Variants in CACNA1A observed in about 807,000 individuals in gnomAD.
CACNA1A encodes the protein calcium voltage-gated channel subunit alpha1 A.
In CACNA1A, 57 loss-of-function variants were observed where a neutral mutation model predicts 262.4. The observed-to-expected ratio is 0.22, with a 90% CI of 0.18 to 0.27. CACNA1A has a LOEUF of 0.27. Ranked by LOEUF, CACNA1A falls within the 10% of genes least tolerant of loss-of-function variation. The pLI, the probability that CACNA1A is intolerant of heterozygous loss-of-function variation, is 1.00. For missense variants in CACNA1A, 2,526 were observed against 3,562.8 expected (o/e 0.71, Z 7.41); for synonymous variants, 1,431 against 1,419.3 (o/e 1.01, Z -0.18).
chr19:13,285,122 C>T lies in CACNA1A; in HGVS notation c.3638G>A (p.Gly1213Asp), dbSNP rs540667475. 17 of 1,613,926 alleles carry T rather than the reference C, an allele frequency of 1.1e-5. No individual in the cohort carries two copies. Among genetic ancestry groups the T allele is most frequent in the African/African-American group, 4.0e-5 (3 of 75,024 alleles). The change falls in exon 21 of 47, where the codon GGC (glycine) becomes GAC (aspartate). Residue 1213 changes from glycine to aspartate, a missense_variant. Transcript: ENST00000360228. ...EEEEDDRGED[G>D]PKPMPPYSSM... ...GCTATAGGGAGGCATTGGCTTAGGG[C>T]CGTCTTCCCCACGGTCGTCTTCCTC...
intron 3 of CACNA1A, among the ~76,000 whole-genome samples, chr19:13,402,869 CACACAT>C (rs1414868280): frequency 2.4e-4 from 18 of 75,664 alleles, no homozygotes; most frequent in African/African-American, 4.5e-4. Context: ...CACACACACA[CACACAT>C]ATATATATAT....
In CACNA1A at chr19:13,345,366, C is replaced by T. The variant is rs188999696; in HGVS notation, c.979-9457G>A. 3.6e-3 allele frequency among the ~76,000 whole-genome samples: 550 copies of T among 152,202 alleles called. 2 individuals are homozygous for T. The highest frequency in any genetic ancestry group is 0.013 in the African/African-American group (529 of 41,518). On this transcript the variant is annotated intron_variant, in intron 6 of 46. Coordinates refer to ENST00000360228, the MANE Select transcript of CACNA1A (RefSeq NM_001127222.2). ...CAACTGATTTTTTCCCACTTCACCCCTTCTCCGTACTTGCATAGTATTTTA... is the reference window on the plus strand; with the variant it reads ...CAACTGATTTTTTCCCACTTCACCCTTTCTCCGTACTTGCATAGTATTTTA...
At chr19:13,211,875 G>A in intron 43 of CACNA1A, 4 of 523,002 alleles carry the variant, frequency 7.6e-6, no homozygotes, top group Non-Finnish European at 1.4e-5. Context: ...CTCTGCCCCA[G>A]GGGGAGCACT....
intron 6 of CACNA1A, among the ~76,000 whole-genome samples, chr19:13,354,915 C>A (rs543644867): frequency 1.3e-5 from 2 of 149,174 alleles, no homozygotes; most frequent in Admixed American, 6.7e-5. Context: ...CATTCTGTCA[C>A]CCAGGCTGGA....
At chr19:13,323,653 T>C (rs2058300273) in intron 10 of CACNA1A, among the ~76,000 whole-genome samples, 1 of 152,236 alleles carries the variant, frequency 6.6e-6, no homozygotes, top group Admixed American at 6.5e-5. Context: ...GAGTTCCTTA[T>C]ATATTTTGGA....
At chr19:13,234,891 C>A (rs754292194) in intron 34 of CACNA1A, 30 bp downstream of exon 34, 1 of 1,492,244 alleles carries the variant, frequency 6.7e-7, no homozygotes, top group Non-Finnish European at 9.4e-7. Flanking sequence ...CCCACGGAAA[C>A]AGAATTATCA....
chr19:13,400,976 C>T (rs778358248), intron 3 of CACNA1A, among the ~76,000 whole-genome samples: 5 of 152,138 alleles, frequency 3.3e-5, no homozygotes, highest in African/African-American at 4.8e-5. Context: ...AGGCACCCAC[C>T]GCCACACCCA....
At chr19:13,247,069 A>G (rs1036730250) in intron 30 of CACNA1A, among the ~76,000 whole-genome samples, 14 of 152,190 alleles carry the variant, frequency 9.2e-5, no homozygotes, top group African/African-American at 3.4e-4. Context: ...TGGATCCAAG[A>G]GTCTGGGTCA....
At chr19:13,438,459 C>G (rs2060652759) in intron 3 of CACNA1A, among the ~76,000 whole-genome samples, 1 of 152,228 alleles carries the variant, frequency 6.6e-6, no homozygotes, top group South Asian at 2.1e-4. Context: ...GGCTAGCCTG[C>G]TGGAGGATGA....
intron 29 of CACNA1A, among the ~76,000 whole-genome samples, chr19:13,254,344 C>A (rs933856921): frequency 1.3e-5 from 2 of 151,786 alleles, no homozygotes; most frequent in African/African-American, 4.8e-5. Context: ...TACCCCTTCT[C>A]CCTCATTTCT....
chr19:13,376,834 T>C (rs926668570), intron 3 of CACNA1A, among the ~76,000 whole-genome samples: 7 of 144,008 alleles, frequency 4.9e-5, no homozygotes, highest in Non-Finnish European at 4.5e-5. Context: ...ATAACACATG[T>C]TATATGTGAT....
chr19:13,320,073 CCTT>C (rs1215628763), intron 10 of CACNA1A, among the ~76,000 whole-genome samples: 2 of 152,166 alleles, frequency 1.3e-5, no homozygotes, highest in Admixed American at 1.3e-4. Flanking sequence ...ATGTCCATCA[CCTT>C]CTCAACCCCA....
At chr19:13,249,592 C>T (rs959015920) in intron 30 of CACNA1A, among the ~76,000 whole-genome samples, 12 of 152,184 alleles carry the variant, frequency 7.9e-5, no homozygotes, top group African/African-American at 2.4e-4. Flanking sequence ...TGGGCTCAAG[C>T]GATCCACCTG....
chr19:13,283,411 T>G lies in CACNA1A; in HGVS notation c.3693-15A>C, dbSNP rs778609403. ...GGCGGCGAAGGCTGTTGGAGACAGATGGGCGTGCAGAGGTCCACTCAGACC... is the reference window on the plus strand; with the variant it reads ...GGCGGCGAAGGCTGTTGGAGACAGAGGGGCGTGCAGAGGTCCACTCAGACC... On this transcript the variant is annotated splice_polypyrimidine_tract_variant and intron_variant, in intron 21 of 46. Transcript: ENST00000360228. 1 of 1,613,642 alleles carries G rather than the reference T, an allele frequency of 6.2e-7. No homozygotes were observed. Among genetic ancestry groups the G allele is most frequent in the Non-Finnish European group, 8.5e-7 (1 of 1,179,762 alleles).
chr19:13,312,635 G>T, intron 12 of CACNA1A, 34 bp downstream of exon 12: 1 of 1,261,712 alleles, frequency 7.9e-7, no homozygotes, highest in Non-Finnish European at 1.1e-6. Context: ...GGCAAGAGCT[G>T]GAGAAATGAA....
In CACNA1A at chr19:13,334,394, C is replaced by T. The variant is rs2248069; in HGVS notation, c.1182G>A (p.Glu394=). ...QIERELNGYM[E]WISKAEEVIL... ...GGGCCTCACCTGCTTTTGAGATCCA[C>T]TCCATGTACCCATTGAGCTCACGTT... Residue 394 remains glutamate, a synonymous_variant, in exon 8 of 47, where the codon GAG becomes GAA. Transcript: ENST00000360228. 1,076,886 of 1,585,238 alleles carry T rather than the reference C, an allele frequency of 0.68. 368,117 individuals are homozygous for T. Among genetic ancestry groups the T allele is most frequent in the Admixed American group, 0.78 (46,767 of 59,940 alleles).
intron 24 of CACNA1A, chr19:13,274,124 A>G (rs1366420479): frequency 2.0e-5 from 3 of 152,198 alleles, no homozygotes; most frequent in Non-Finnish European, 4.4e-5. Flanking sequence ...AGAAAAAGAA[A>G]AGAGTAAACG....
At chr19:13,366,873 T>C (rs759679852) in intron 4 of CACNA1A, among the ~76,000 whole-genome samples, 9 of 152,192 alleles carry the variant, frequency 5.9e-5, no homozygotes, top group Non-Finnish European at 1.0e-4. Flanking sequence ...AGACTCAACA[T>C]TATTTCACTG....
chr19:13,353,864 G>A (rs1369145423), intron 6 of CACNA1A, among the ~76,000 whole-genome samples: 1 of 152,076 alleles, frequency 6.6e-6, no homozygotes, highest in African/African-American at 2.4e-5. Context: ...CTCCCTGATT[G>A]CCTGACCTAG....
Sources: allele counts gnomAD v4.1 joint callset (sites outside exome capture counted in the v4.1 genomes callset), GRCh38; gene constraint gnomAD v4.1.1; transcripts MANE v1.5; gene names NCBI Gene and HGNC (gene_info 2026-07-23, HGNC 2026-07-21).